Variants in MGMT observed in about 807,000 individuals in gnomAD.
The protein encoded by MGMT is O-6-methylguanine-DNA methyltransferase.
In MGMT, 14 loss-of-function variants were observed where a neutral mutation model predicts 15.9. The observed-to-expected ratio is 0.88, with a 90% confidence interval of 0.58 to 1.37. The LOEUF is 1.37. Among genes scored for constraint, MGMT ranks in the 40% most tolerant of loss-of-function variants. The pLI, the probability that MGMT is intolerant of heterozygous loss-of-function variation, is 0.00. For synonymous variants in MGMT, 130 were observed against 118.2 expected (o/e 1.10, Z -0.65); for missense variants, 282 against 268.1 (o/e 1.05, Z -0.36).
rs958304302 is a variant in MGMT at position 129,746,343 on chromosome 10, C to G, written c.275-12859C>G. Among the ~76,000 whole-genome samples, 3 of 150,468 alleles carry G rather than the reference C, an allele frequency of 2.0e-5. No homozygotes were observed. In the South Asian group the frequency reaches 6.3e-4, roughly 31 times the overall value. On this transcript the variant is annotated intron_variant, in intron 3 of 4. Coordinates refer to ENST00000651593, the MANE Select transcript of MGMT (RefSeq NM_002412.5). ...CTTTTTAATGAAGTTCAATTTATCT[C>G]TCTCTTTTTTTTATCATGATTTGAA...
At chr10:129,701,477 G>A (rs1848098949) in intron 2 of MGMT, 1 of 152,188 alleles carries the variant, frequency 6.6e-6, no homozygotes, top group South Asian at 2.1e-4. Flanking sequence ...TACATCGTGT[G>A]TTAATGTCTC....
At chr10:129,715,393 A>G (rs575452399) in intron 3 of MGMT, 1 of 152,358 alleles carries the variant, frequency 6.6e-6, no homozygotes, top group South Asian at 2.1e-4. Context: ...TGTAAATTGC[A>G]TCATTGCTTC....
chr10:129,637,178 G>A (rs1269913794), intron 2 of MGMT, among the ~76,000 whole-genome samples: 2 of 152,214 alleles, frequency 1.3e-5, no homozygotes, highest in Non-Finnish European at 2.9e-5. Context: ...GTGCCTTCAA[G>A]AGTGTTTTTG....
Position 129,652,756 on chromosome 10 carries a change from GGCCTCAGT to G in MGMT, c.126-55134_126-55127del, listed in dbSNP as rs1312851035. The stretch of plus-strand genomic sequence containing the variant: ...CCGGCCGGCCTGCCTGCCTCTGGGA[GGCCTCAGT>G]GCCTGTTGGATTCCCTGCCATGCAG... On this transcript the variant is annotated intron_variant, in intron 2 of 4. Coordinates refer to ENST00000651593, the MANE Select transcript of MGMT (RefSeq NM_002412.5). Among the ~76,000 whole-genome samples, 12 of 152,318 alleles carry G rather than the reference GGCCTCAGT, an allele frequency of 7.9e-5. No individual in the cohort carries two copies. In the South Asian group the frequency reaches 1.0e-3, roughly 13 times the overall value.
chr10:129,653,332 A>G (rs935729008), intron 2 of MGMT, among the ~76,000 whole-genome samples: 1 of 152,240 alleles, frequency 6.6e-6, no homozygotes, highest in South Asian at 2.1e-4. Context: ...ATTTGAAAAC[A>G]TTGATCATTT....
chr10:129,500,310 T>C (rs1313384233), intron 1 of MGMT, among the ~76,000 whole-genome samples: 1 of 152,126 alleles, frequency 6.6e-6, no homozygotes, highest in Non-Finnish European at 1.5e-5. Flanking sequence ...GCCTGGGCCC[T>C]GGGCCATGGG....
intron 2 of MGMT, among the ~76,000 whole-genome samples, chr10:129,563,015 A>G (rs1339815729): frequency 1.3e-5 from 2 of 152,210 alleles, no homozygotes; most frequent in East Asian, 3.9e-4. Context: ...AATAAAGGAC[A>G]TGACACAGTC....
intron 2 of MGMT, among the ~76,000 whole-genome samples, chr10:129,648,005 A>G (rs1279700624): frequency 1.3e-5 from 2 of 152,184 alleles, no homozygotes; most frequent in South Asian, 2.1e-4. Flanking sequence ...ATTTCCTTCA[A>G]GCCTTCAGCT....
chr10:129,722,848 A>T (rs1848387919), intron 3 of MGMT, among the ~76,000 whole-genome samples: 1 of 151,980 alleles, frequency 6.6e-6, no homozygotes, highest in Admixed American at 6.6e-5. Flanking sequence ...TCTACTAAAA[A>T]CACAAAAAAC....
chr10:129,603,992 A>G (rs1258288788), intron 2 of MGMT, among the ~76,000 whole-genome samples: 1 of 152,152 alleles, frequency 6.6e-6, no homozygotes, highest in Non-Finnish European at 1.5e-5. Context: ...GCCCTCTTAG[A>G]AGATTTGATG....
Position 129,768,170 on chromosome 10 carries a change from C to CA in MGMT, c.*1174dup, listed in dbSNP as rs1394478615. On this transcript the variant is annotated 3_prime_UTR_variant, in exon 5 of 5. Coordinates refer to ENST00000651593, the MANE Select transcript of MGMT (RefSeq NM_002412.5). The stretch of plus-strand genomic sequence containing the variant: ...CGAGGCCTGGATGAAAATGTGGCCT[C>CA]ACGATGTGTATGGTTGGGACCCGCC... 6.6e-6 allele frequency among the ~76,000 whole-genome samples: 1 copy of CA among 152,216 alleles called. No individual in the cohort carries two copies. Among genetic ancestry groups the CA allele is most frequent in the African/African-American group, 2.4e-5 (1 of 41,470 alleles).
Position 129,531,646 on chromosome 10 carries a change from T to C in MGMT, c.-12-4595T>C, listed in dbSNP as rs570797469. Among the ~76,000 whole-genome samples, 91 of 152,202 alleles carry C rather than the reference T, an allele frequency of 6.0e-4. 1 individual carries two copies. The highest frequency in any genetic ancestry group is 1.2e-3 in the Non-Finnish European group (82 of 67,996). On this transcript the variant is annotated intron_variant, in intron 1 of 4. Transcript: ENST00000651593. ...GAATCGGCACTAAACTAACTTCTAC[T>C]GCTGCCCACAGAAGAACTGTGCCAA...
In MGMT at chr10:129,559,919, C is replaced by T. The variant is rs190506823; in HGVS notation, c.125+23542C>T. Among the ~76,000 whole-genome samples, 10 of 152,262 alleles carry T rather than the reference C, an allele frequency of 6.6e-5. 1 individual carries two copies. In the East Asian group the frequency reaches 1.3e-3, roughly 21 times the overall value. ...CTGCAGAAATGGACAAATGCAGGTGCTGTTCCTTGGATGGTCAGCATGGAA... is the reference window on the plus strand; with the variant it reads ...CTGCAGAAATGGACAAATGCAGGTGTTGTTCCTTGGATGGTCAGCATGGAA... On this transcript the variant is annotated intron_variant, in intron 2 of 4. Transcript: ENST00000651593.
At chr10:129,513,477 C>T (rs1845705964) in intron 1 of MGMT, among the ~76,000 whole-genome samples, 1 of 152,160 alleles carries the variant, frequency 6.6e-6, no homozygotes, top group Non-Finnish European at 1.5e-5. Context: ...TTATTTGGCA[C>T]CACCGGCGAC....
intron 2 of MGMT, among the ~76,000 whole-genome samples, chr10:129,547,956 C>G (rs1490572788): frequency 6.6e-6 from 1 of 152,218 alleles, no homozygotes; most frequent in Non-Finnish European, 1.5e-5. Context: ...CCGGTGAGGT[C>G]TCTCGTCAGC....
chr10:129,501,842 T>C (rs951683234), intron 1 of MGMT, among the ~76,000 whole-genome samples: 2 of 152,156 alleles, frequency 1.3e-5, no homozygotes, highest in African/African-American at 4.8e-5. Context: ...CAGTTCCCCT[T>C]TGCTGGATGT....
At chr10:129,671,584 G>A (rs892591132) in intron 2 of MGMT, among the ~76,000 whole-genome samples, 1 of 152,142 alleles carries the variant, frequency 6.6e-6, no homozygotes, top group Non-Finnish European at 1.5e-5. Context: ...CTGGCCCTTT[G>A]AGAAAATGTT....
chr10:129,720,020 T>C (rs552042674), intron 3 of MGMT, among the ~76,000 whole-genome samples: 5 of 152,314 alleles, frequency 3.3e-5, no homozygotes, highest in South Asian at 4.2e-4. Flanking sequence ...TATTAGGAAG[T>C]GCTGCTCTTT....
chr10:129,582,304 G>A (rs1026932013), intron 2 of MGMT, among the ~76,000 whole-genome samples: 1 of 152,146 alleles, frequency 6.6e-6, no homozygotes, highest in African/African-American at 2.4e-5. Context: ...GCCGTTGAGA[G>A]TGTGCTCTGT....
Sources: gnomAD v4.1 joint callset for allele counts (sites outside exome capture counted in the v4.1 genomes callset) on GRCh38, gnomAD v4.1.1 for gene constraint, MANE v1.5 for transcripts, NCBI Gene and HGNC (gene_info 2026-07-23, HGNC 2026-07-21) for gene names.